The following ZNF682 variants were observed in gnomAD, a reference collection of about 807,000 sequenced individuals.
ZNF682 encodes the protein zinc finger protein 682.
In ZNF682, 29 loss-of-function variants were observed where a neutral mutation model predicts 36.5. That is an observed-to-expected ratio of 0.80 (90% CI 0.59 to 1.08). ZNF682 has a LOEUF of 1.08. Among genes scored for constraint, ZNF682 ranks in the 50% least tolerant of loss-of-function variants. ZNF682 has a pLI of 0.00. For missense variants in ZNF682, 561 were observed against 579.7 expected (o/e 0.97, Z 0.33); for synonymous variants, 180 against 197.0 (o/e 0.91, Z 0.72).
Position 20,024,105 on chromosome 19 carries a change from A to G in ZNF682, c.130+145T>C. ...AAACATCTTGAAAATTTTCTTCTCT[A>G]TCCCAACAAATCCCCAAGTTTTCCT... On this transcript the variant is annotated intron_variant, in intron 2 of 3. Transcript: ENST00000397165. 3 of 934,152 alleles carry G rather than the reference A, an allele frequency of 3.2e-6. No homozygotes were observed. The South Asian group carries it at 5.6e-5, about 17-fold the overall frequency. 57.9% of individuals were successfully genotyped at this position (934,152 alleles called of 1,614,324 possible).
intron 3 of ZNF682, among the ~76,000 whole-genome samples, chr19:20,019,951 C>A (rs2088369119): frequency 6.6e-6 from 1 of 151,274 alleles, no homozygotes; most frequent in South Asian, 2.1e-4. Context: ...GTGGCTCATG[C>A]CCGTAATCCC....
At chr19:20,029,128 G>A (rs1229004151) in intron 1 of ZNF682, among the ~76,000 whole-genome samples, 1 of 151,708 alleles carries the variant, frequency 6.6e-6, no homozygotes, top group African/African-American at 2.4e-5. Context: ...ATAGGTGCCT[G>A]CCACCACGGC....
At chr19:20,032,154 C>T (rs1568547051) in intron 1 of ZNF682, among the ~76,000 whole-genome samples, 1 of 152,122 alleles carries the variant, frequency 6.6e-6, no homozygotes, top group African/African-American at 2.4e-5. Context: ...GATAAAAGTT[C>T]TTTTACTTTC....
At chr19:20,003,476 G>A (rs557448871), downstream of ZNF682, among the ~76,000 whole-genome samples, 8 of 151,708 alleles carry the variant, frequency 5.3e-5, no homozygotes, top group Non-Finnish European at 1.0e-4. Flanking sequence ...AGGCTGAGGC[G>A]GGTGGATCAC....
intron 1 of ZNF682, among the ~76,000 whole-genome samples, chr19:20,027,734 G>A (rs1187021940): frequency 6.6e-6 from 1 of 151,232 alleles, no homozygotes; most frequent in African/African-American, 2.4e-5. Context: ...ACTCCAGCCT[G>A]GGCAACAAGA....
At chr19:20,017,613 T>C (rs757317509) in intron 3 of ZNF682, among the ~76,000 whole-genome samples, 4 of 152,126 alleles carry the variant, frequency 2.6e-5, no homozygotes. Context: ...ACAATAATTA[T>C]AGATTTCACG....
rs756843799 is a variant in ZNF682 at position 20,007,053 on chromosome 19, C to T, written c.449G>A (p.Cys150Tyr). 5.6e-6 allele frequency: 9 copies of T among 1,613,502 alleles called. No homozygotes were observed. The highest frequency in any genetic ancestry group is 7.6e-6 in the Non-Finnish European group (9 of 1,179,812). The change falls in exon 4 of 4, where the codon TGT (cysteine) becomes TAT (tyrosine). Residue 150 changes from cysteine to tyrosine, a missense_variant. Transcript: ENST00000397165. ...LPSKIFPYNK[C>Y]VKVFSKSSNL... ...TGATGATTTACTAAAGACTTTCACA[C>T]ATTTATTATATGGGAAAATTTTGCT...
downstream of ZNF682, among the ~76,000 whole-genome samples, chr19:20,003,622 G>A (rs367784540): frequency 8.6e-5 from 13 of 151,664 alleles, no homozygotes; most frequent in South Asian, 6.3e-4. Context: ...GGAGAATGGC[G>A]TGAACCTGGG....
intron 1 of ZNF682, among the ~76,000 whole-genome samples, chr19:20,028,585 C>G (rs1345594019): frequency 1.3e-5 from 2 of 152,166 alleles, no homozygotes; most frequent in African/African-American, 2.4e-5. Context: ...TGCCCTAGAT[C>G]ACTTATAACA....
At chr19:19,998,584 C>T (rs2122279710) in intron 3 of ZNF682, among the ~76,000 whole-genome samples, 1 of 152,296 alleles carries the variant, frequency 6.6e-6, no homozygotes, top group Middle Eastern at 3.4e-3. Context: ...GTGCCTCTTC[C>T]TCAAGGTCTT....
At chr19:20,011,640 C>T (rs1260601317) in intron 3 of ZNF682, among the ~76,000 whole-genome samples, 1 of 152,132 alleles carries the variant, frequency 6.6e-6, no homozygotes. Context: ...GCAAGAGGAA[C>T]CCTCAAAACT....
At chr19:20,022,407 C>T (rs1330596363) in intron 3 of ZNF682, among the ~76,000 whole-genome samples, 2 of 151,804 alleles carry the variant, frequency 1.3e-5, no homozygotes, top group Admixed American at 1.3e-4. Context: ...GTGGCTCATG[C>T]CTGTAATCCC....
chr19:20,024,489 G>C, intron 1 of ZNF682, 113 bp from the exon 2 acceptor site: 1 of 1,238,160 alleles, frequency 8.1e-7, no homozygotes, highest in South Asian at 1.6e-5. Context: ...TATTCAATCT[G>C]CTATTTTTAA....
chr19:20,034,967 G>A (rs1207995731), intron 1 of ZNF682, among the ~76,000 whole-genome samples: 3 of 147,044 alleles, frequency 2.0e-5, no homozygotes, highest in African/African-American at 7.6e-5. Flanking sequence ...ATGTTGGTGC[G>A]TGCCTGTAAT....
chr19:20,038,584 G>T (rs1469539469), intron 1 of ZNF682, among the ~76,000 whole-genome samples: 1 of 149,518 alleles, frequency 6.7e-6, no homozygotes, highest in Non-Finnish European at 1.5e-5. Flanking sequence ...GTTAGACTGA[G>T]GTGGCTCTAG....
At chr19:20,029,635 C>G (rs2088463524) in intron 1 of ZNF682, among the ~76,000 whole-genome samples, 1 of 150,964 alleles carries the variant, frequency 6.6e-6, no homozygotes. Context: ...AATAAAAAAG[C>G]TTGAAATAAA....
At chr19:20,024,538 A>G (rs1247116545) in intron 1 of ZNF682, 162 bp from the exon 2 acceptor site, 13 of 850,586 alleles carry the variant, frequency 1.5e-5, no homozygotes, top group Non-Finnish European at 2.2e-5. Context: ...CACTGAGGAA[A>G]GAAAACAGAA....
At chr19:19,997,371 A>G (rs964707711) in intron 3 of ZNF682, 1 of 397,466 alleles carries the variant, frequency 2.5e-6, no homozygotes, top group South Asian at 1.3e-4. Context: ...GGTGACCTCA[A>G]TGGTTTCACA....
At position 20,006,287 on chromosome 19, in the gene ZNF682, A is replaced by G. The variant is rs767367128; in HGVS notation, c.1215T>C (p.Ala405=). Residue 405 remains alanine, a synonymous_variant, in exon 4 of 4, where the codon GCT becomes GCC. Coordinates refer to ENST00000397165, the MANE Select transcript of ZNF682 (RefSeq NM_033196.3). ...KPYKCEECGK[A]FNWSSILTEH... ...CAGTAAGGATTGAGGACCAGTTAAAAGCTTTGCCACATTCTTCACATTTGT... is the reference window on the plus strand; with the variant it reads ...CAGTAAGGATTGAGGACCAGTTAAAGGCTTTGCCACATTCTTCACATTTGT... 6.2e-7 allele frequency: 1 copy of G among 1,613,314 alleles called. No individual in the cohort carries two copies. Among genetic ancestry groups the G allele is most frequent in the South Asian group, 1.1e-5 (1 of 91,056 alleles).
Sources: allele counts gnomAD v4.1 joint callset (sites outside exome capture counted in the v4.1 genomes callset), GRCh38; gene constraint gnomAD v4.1.1; transcripts MANE v1.5; gene names NCBI Gene and HGNC (gene_info 2026-07-23, HGNC 2026-07-21).